The following SCNN1G variants were observed in gnomAD, a reference collection of about 807,000 sequenced individuals.
The protein encoded by SCNN1G is sodium channel epithelial 1 subunit gamma, also known as epithelial sodium channel subunit gamma.
Under a neutral mutation model 64.6 loss-of-function variants are expected in SCNN1G, and 27 were observed. That is an observed-to-expected ratio of 0.42 (90% CI 0.31 to 0.58). SCNN1G has a LOEUF of 0.58. Among genes scored for constraint, SCNN1G ranks in the 20% least tolerant of loss-of-function variants. SCNN1G has a pLI of 0.18. For synonymous variants in SCNN1G, 330 were observed against 314.2 expected (o/e 1.05, Z -0.53); for missense variants, 743 against 823.4 (o/e 0.90, Z 1.19).
Position 23,186,416 on chromosome 16 carries a change from G to C in SCNN1G, c.145G>C (p.Gly49Arg). The C allele has an allele frequency of 6.2e-7, 1 of 1,614,180 alleles. No individual in the cohort carries two copies. Among genetic ancestry groups the C allele is most frequent in the Non-Finnish European group, 8.5e-7 (1 of 1,180,038 alleles). Reference sequence around the variant, plus strand: ...CTGTCGCCGCATCGTGGTGTCCCGCGGCCGTCTGCGCCGCCTCCTCTGGAT... The same window carrying C: ...CTGTCGCCGCATCGTGGTGTCCCGCCGCCGTCTGCGCCGCCTCCTCTGGAT... ...HGCRRIVVSR[G>R]RLRRLLWIGF... The change falls in exon 2 of 13, where the codon GGC (glycine) becomes CGC (arginine). Residue 49 changes from glycine (G) to arginine (R), a missense_variant. Transcript: ENST00000300061.
At chr16:23,193,505 T>C (rs1157808394) in intron 4 of SCNN1G, among the ~76,000 whole-genome samples, 1 of 151,956 alleles carries the variant, frequency 6.6e-6, no homozygotes, top group Non-Finnish European at 1.5e-5. Context: ...AAAACTTATC[T>C]GGGCATAATG....
intron 1 of SCNN1G, among the ~76,000 whole-genome samples, chr16:23,183,985 G>C (rs866141369): frequency 1.3e-5 from 2 of 152,262 alleles, no homozygotes; most frequent in East Asian, 3.9e-4. Context: ...GACGATTATC[G>C]TGAAAATTAA....
In SCNN1G at chr16:23,186,222, C is replaced by T. The variant is rs746032294; in HGVS notation, c.-44-6C>T. On this transcript the variant is annotated splice_region_variant and splice_polypyrimidine_tract_variant and intron_variant, in intron 1 of 12. Coordinates refer to ENST00000300061, the MANE Select transcript of SCNN1G (RefSeq NM_001039.4). ...GCTCACCTGCTTCTCTTCTTTGCCC[C>T]TCCAGCACGCCCGTCCTCAGAGTCC... The T allele has an allele frequency of 1.3e-6, 2 of 1,593,240 alleles. No homozygotes were observed. Among genetic ancestry groups the T allele is most frequent in the Admixed American group, 3.3e-5 (2 of 59,934 alleles).
intron 6 of SCNN1G, among the ~76,000 whole-genome samples, chr16:23,204,334 T>TATATATAGAGAGAG (rs1567267153): frequency 6.6e-5 from 1 of 15,178 alleles, no homozygotes; most frequent in Non-Finnish European, 1.1e-4. Flanking sequence ...TATATATATA[T>TATATATAGAGAGAG]AGAGAGAGAG....
At chr16:23,200,538 A>G (rs534803113) in intron 6 of SCNN1G, among the ~76,000 whole-genome samples, 1 of 152,352 alleles carries the variant, frequency 6.6e-6, no homozygotes, top group East Asian at 1.9e-4. Flanking sequence ...CCTGTCATTT[A>G]TCCATTCAAT....
At position 23,215,422 on chromosome 16, in the gene SCNN1G, G is replaced by A. The variant is rs773879529; in HGVS notation, c.1903G>A (p.Ala635Thr). 18 of 1,613,314 alleles carry A rather than the reference G, an allele frequency of 1.1e-5. No individual in the cohort carries two copies. Among genetic ancestry groups the A allele is most frequent in the South Asian group, 1.1e-4 (10 of 91,086 alleles). Residue 635 changes from alanine (A) to threonine (T), a missense_variant, in exon 13 of 13, where the codon GCC (alanine) becomes ACC (threonine). Physicochemically the swap from Ala to Thr is moderately conservative, Grantham distance 58 (BLOSUM62 0). Coordinates refer to ENST00000300061, the MANE Select transcript of SCNN1G (RefSeq NM_001039.4). ...ATACAATACCTTGCGCTTGGAGAGG[G>A]CCTTTTCCAACCAGCTCACAGATAC... Reference protein sequence around the residue: ...PKYNTLRLERAFSNQLTDTQM... With the variant: ...PKYNTLRLERTFSNQLTDTQM...
intron 2 of SCNN1G, among the ~76,000 whole-genome samples, chr16:23,187,978 G>A (rs901855425): frequency 6.6e-6 from 1 of 151,974 alleles, no homozygotes; most frequent in Non-Finnish European, 1.5e-5. Flanking sequence ...CTCTCTCTCC[G>A]CCCTCCATGT....
At position 23,209,780 on chromosome 16, in the gene SCNN1G, A is replaced by G; in HGVS notation, c.1108A>G (p.Ser370Gly). 1 of 1,613,994 alleles carries G rather than the reference A, an allele frequency of 6.2e-7. No homozygotes were observed. The highest frequency in any genetic ancestry group is 8.5e-7 in the Non-Finnish European group (1 of 1,179,838). ...TESFKLSEPYSQCTEDGSDVP... is the reference protein window; with the variant it reads ...TESFKLSEPYGQCTEDGSDVP... ...GTCCTTCAAGCTGAGTGAGCCCTAC[A>G]GTCAGTGCACGGAGGACGGGAGTGA... Residue 370 changes from serine to glycine, a missense_variant, in exon 7 of 13, where the codon AGT becomes GGT. Ser to Gly is a moderately conservative substitution (Grantham distance 56). Transcript: ENST00000300061.
At chr16:23,203,107 T>A (rs1208765763) in intron 6 of SCNN1G, among the ~76,000 whole-genome samples, 1 of 151,386 alleles carries the variant, frequency 6.6e-6, no homozygotes, top group African/African-American at 2.4e-5. Context: ...CCAGAAAGAG[T>A]TGGCATCAGA....
intron 1 of SCNN1G, among the ~76,000 whole-genome samples, chr16:23,183,216 C>T (rs1959550243): frequency 6.6e-6 from 1 of 152,242 alleles, no homozygotes; most frequent in Non-Finnish European, 1.5e-5. Flanking sequence ...GAAGCAAACA[C>T]TTGAAGTGGG....
At position 23,204,567 on chromosome 16, in the gene SCNN1G, A is replaced by T. The variant is rs1003443103; in HGVS notation, c.1078-5183A>T. Among the ~76,000 whole-genome samples, 4 of 148,924 alleles carry T rather than the reference A, an allele frequency of 2.7e-5. No homozygotes were observed. The East Asian group carries it at 7.8e-4, about 29-fold the overall frequency. On this transcript the variant is annotated intron_variant, in intron 6 of 12. Transcript: ENST00000300061. Reference sequence around the variant, plus strand: ...TACTAGTACATTATATATAAAAGATACTATTAATAATTATACATACATAAA... The same window carrying T: ...TACTAGTACATTATATATAAAAGATTCTATTAATAATTATACATACATAAA...
chr16:23,183,442 C>T (rs1469966145), intron 1 of SCNN1G, among the ~76,000 whole-genome samples: 1 of 152,164 alleles, frequency 6.6e-6, no homozygotes. Flanking sequence ...TCCGGTCCAG[C>T]GAACCCAACG....
chr16:23,186,100 C>T, intron 1 of SCNN1G, 128 bp from the exon 2 acceptor site: 2 of 682,150 alleles, frequency 2.9e-6, no homozygotes, highest in Non-Finnish European at 5.3e-6. Flanking sequence ...GTGCCTAAGC[C>T]ACAGAGGAAC....
At chr16:23,207,137 T>C (rs2141941532) in intron 6 of SCNN1G, among the ~76,000 whole-genome samples, 1 of 152,332 alleles carries the variant, frequency 6.6e-6, no homozygotes, top group East Asian at 1.9e-4. Context: ...TCAGAAAGCG[T>C]TGAAATCCAA....
intron 1 of SCNN1G, among the ~76,000 whole-genome samples, chr16:23,184,000 G>A (rs1392801051): frequency 1.3e-5 from 2 of 152,140 alleles, no homozygotes; most frequent in Non-Finnish European, 2.9e-5. Flanking sequence ...AATTAAATGA[G>A]GTGACAGCTG....
Position 23,186,413 on chromosome 16 carries a change from C to A in SCNN1G, c.142C>A (p.Arg48Ser). The A allele has an allele frequency of 6.2e-7, 1 of 1,614,242 alleles. No individual in the cohort carries two copies. Among genetic ancestry groups the A allele is most frequent in the Non-Finnish European group, 8.5e-7 (1 of 1,180,052 alleles). The change falls in exon 2 of 13, where the codon CGC becomes AGC. Residue 48 changes from arginine to serine, a missense_variant. Coordinates refer to ENST00000300061, the MANE Select transcript of SCNN1G (RefSeq NM_001039.4). ...TGGCTGTCGCCGCATCGTGGTGTCC[C>A]GCGGCCGTCTGCGCCGCCTCCTCTG... ...THGCRRIVVS[R>S]GRLRRLLWIG...
chr16:23,206,446 T>C (rs1959991638), intron 6 of SCNN1G, among the ~76,000 whole-genome samples: 1 of 152,154 alleles, frequency 6.6e-6, no homozygotes, highest in South Asian at 2.1e-4. Flanking sequence ...CTTAGCACTG[T>C]TTATACCTTA....
At chr16:23,183,907 G>C (rs1410720507) in intron 1 of SCNN1G, among the ~76,000 whole-genome samples, 1 of 152,124 alleles carries the variant, frequency 6.6e-6, no homozygotes, top group African/African-American at 2.4e-5. Context: ...TGTGACCTTG[G>C]GCAAGCTACT....
chr16:23,194,291 C>A lies in SCNN1G; in HGVS notation c.913+17C>A. 8 of 1,540,036 alleles carry A rather than the reference C, an allele frequency of 5.2e-6. No individual in the cohort carries two copies. Among genetic ancestry groups the A allele is most frequent in the Non-Finnish European group, 7.2e-6 (8 of 1,112,660 alleles). On this transcript the variant is annotated intron_variant, in intron 5 of 12. Transcript: ENST00000300061. ...GCGAATATGGTAAGGAAACCTGTGC[C>A]AAGGAGATCTTGAGGCCCTCCAATA...
Sources: allele counts gnomAD v4.1 joint callset (sites outside exome capture counted in the v4.1 genomes callset), GRCh38; gene constraint gnomAD v4.1.1; transcripts MANE v1.5; gene names NCBI Gene and HGNC (gene_info 2026-07-23, HGNC 2026-07-21).